STX8: variants seen among roughly 807,000 people sequenced by gnomAD.
STX8 encodes syntaxin-8.
In STX8, 23 loss-of-function variants were observed where a neutral mutation model predicts 37.5. That is an observed-to-expected ratio of 0.61 (90% confidence interval 0.44 to 0.87). STX8 has a LOEUF of 0.87. Ranked by LOEUF, STX8 falls within the 40% of genes least tolerant of loss-of-function variation. The pLI is 0.00. For missense variants in STX8, 313 were observed against 284.7 expected (o/e 1.10, Z -0.71); for synonymous variants, 115 against 99.1 (o/e 1.16, Z -0.95).
At chr17:9,310,750 A>T (rs1909162461) in intron 7 of STX8, among the ~76,000 whole-genome samples, 1 of 152,140 alleles carries the variant, frequency 6.6e-6, no homozygotes, top group African/African-American at 2.4e-5. Flanking sequence ...GGAGAGGTTA[A>T]GTAACTTACC....
intron 6 of STX8, among the ~76,000 whole-genome samples, chr17:9,403,168 A>C (rs551005785): frequency 4.6e-5 from 7 of 152,322 alleles, no homozygotes; most frequent in African/African-American, 1.4e-4. Flanking sequence ...TCTCCAATCA[A>C]AAGACGAAAC....
chr17:9,422,229 C>T (rs139344103), intron 6 of STX8, among the ~76,000 whole-genome samples: 3,123 of 152,162 alleles, frequency 0.021, 96 homozygotes, highest in African/African-American at 0.071. Flanking sequence ...CTCAGCCTCC[C>T]CAGTAACTGG....
At chr17:9,313,973 ATTTAC>A (rs1321974923) in intron 7 of STX8, among the ~76,000 whole-genome samples, 1 of 152,028 alleles carries the variant, frequency 6.6e-6, no homozygotes, top group Admixed American at 6.6e-5. Context: ...AGGTCTCTCT[ATTTAC>A]TTTAAGTTCT....
intron 1 of STX8, among the ~76,000 whole-genome samples, chr17:9,571,536 T>A (rs1336555426): frequency 6.8e-6 from 1 of 146,224 alleles, no homozygotes; most frequent in African/African-American, 2.5e-5. Context: ...GAGGCAGAGG[T>A]TGCAGTTTGC....
intron 7 of STX8, among the ~76,000 whole-genome samples, chr17:9,289,139 G>A (rs1433183933): frequency 2.6e-5 from 4 of 152,136 alleles, no homozygotes; most frequent in African/African-American, 9.7e-5. Flanking sequence ...TCCAAAATTT[G>A]GAGTGCAAAT....
chr17:9,557,577 T>C, intron 2 of STX8, 49 bp from the exon 3 acceptor site: 1 of 1,535,442 alleles, frequency 6.5e-7, no homozygotes, highest in South Asian at 1.1e-5. Context: ...GAATGTAGAA[T>C]CCACAAAATT....
At chr17:9,485,473 G>A (rs1906548808) in intron 6 of STX8, among the ~76,000 whole-genome samples, 1 of 152,202 alleles carries the variant, frequency 6.6e-6, no homozygotes, top group East Asian at 1.9e-4. Flanking sequence ...ATGTATGCCT[G>A]CTGTTGTTCA....
intron 7 of STX8, among the ~76,000 whole-genome samples, chr17:9,302,291 TTC>T (rs1908816699): frequency 6.6e-6 from 1 of 152,200 alleles, no homozygotes; most frequent in African/African-American, 2.4e-5. Context: ...TTTGTTTTTT[TTC>T]TTTTTTGCCA....
At chr17:9,528,299 G>T (rs1223662211) in intron 4 of STX8, among the ~76,000 whole-genome samples, 2 of 148,378 alleles carry the variant, frequency 1.3e-5, no homozygotes, top group Admixed American at 1.3e-4. Flanking sequence ...TTACACATTG[G>T]TATGTTTTGA....
intron 7 of STX8, among the ~76,000 whole-genome samples, chr17:9,266,027 T>A (rs1907219696): frequency 6.6e-6 from 1 of 152,082 alleles, no homozygotes; most frequent in Non-Finnish European, 1.5e-5. Flanking sequence ...AAACCAGACA[T>A]CCTAGAGTGG....
chr17:9,315,563 T>C (rs1909355533), intron 7 of STX8, among the ~76,000 whole-genome samples: 1 of 152,204 alleles, frequency 6.6e-6, no homozygotes, highest in African/African-American at 2.4e-5. Flanking sequence ...CACAACCCTT[T>C]TCATAAATAT....
intron 7 of STX8, among the ~76,000 whole-genome samples, chr17:9,358,956 T>TC (rs1910969080): frequency 6.6e-6 from 1 of 152,090 alleles, no homozygotes; most frequent in African/African-American, 2.4e-5. Context: ...CATGTAATAG[T>TC]CCCCAGCCCC....
chr17:9,263,925 T>C (rs1331321722), intron 7 of STX8, among the ~76,000 whole-genome samples: 3 of 152,226 alleles, frequency 2.0e-5, no homozygotes, highest in African/African-American at 7.2e-5. Flanking sequence ...CCTTTGTGAC[T>C]ACCTCACCAA....
At chr17:9,327,255 GA>G (rs758949872) in intron 7 of STX8, among the ~76,000 whole-genome samples, 3 of 150,424 alleles carry the variant, frequency 2.0e-5, no homozygotes, top group Admixed American at 6.6e-5. Flanking sequence ...GAGGAAGGAG[GA>G]AGGAGGAGGA....
rs1173935525 is a variant in STX8, at chr17:9,430,013, T to A, written c.542-51360A>T. Among the ~76,000 whole-genome samples the A allele has an allele frequency of 2.8e-4, 8 of 28,262 alleles. 2 individuals carry two copies. Among genetic ancestry groups the A allele is most frequent in the Admixed American group, 6.7e-4 (1 of 1,498 alleles). 18.5% of individuals were successfully genotyped at this position (28,262 alleles called of 152,430 possible). On this transcript the variant is annotated intron_variant, in intron 6 of 7. Transcript: ENST00000306357. ...TATATATAATATATATATTATATAT[T>A]ATATATTATATATAATATATTCTAT...
intron 6 of STX8, among the ~76,000 whole-genome samples, chr17:9,400,096 T>C (rs1912550858): frequency 7.6e-6 from 1 of 132,382 alleles, no homozygotes; most frequent in African/African-American, 2.9e-5. Flanking sequence ...TTATTTAATT[T>C]GTTGTTATTA....
chr17:9,345,848 CTTTTTTTT>C (rs545020159), intron 7 of STX8, among the ~76,000 whole-genome samples: 1 of 52,076 alleles, frequency 1.9e-5, no homozygotes, highest in Admixed American at 3.5e-4. Context: ...TTATGCATTC[CTTTTTTTT>C]TTTTTTTTTT....
At chr17:9,318,905 A>G (rs963767363) in intron 7 of STX8, among the ~76,000 whole-genome samples, 5 of 152,206 alleles carry the variant, frequency 3.3e-5, no homozygotes, top group African/African-American at 1.2e-4. Flanking sequence ...GAAATGCCAG[A>G]ATGACAAGCA....
At chr17:9,469,981 T>C (rs1905777682) in intron 6 of STX8, 1 of 152,228 alleles carries the variant, frequency 6.6e-6, no homozygotes, top group African/African-American at 2.4e-5. Flanking sequence ...TAGCTGTTAA[T>C]TCCTCAGGAC....
Sources: gnomAD v4.1 joint callset for allele counts (sites outside exome capture counted in the v4.1 genomes callset) on GRCh38, gnomAD v4.1.1 for gene constraint, MANE v1.5 for transcripts, NCBI Gene and HGNC (gene_info 2026-07-23, HGNC 2026-07-21) for gene names.